The following PRKG1 variants were observed in gnomAD, a reference collection of about 807,000 sequenced individuals.
PRKG1 encodes cGMP-dependent protein kinase 1.
In PRKG1, 35 loss-of-function variants were observed where a neutral mutation model predicts 88.1. The observed-to-expected ratio is 0.40, with a 90% CI of 0.30 to 0.53. The LOEUF is 0.53. PRKG1 is among the 20% of genes least tolerant of loss of function. PRKG1 has a pLI of 0.59. For synonymous variants in PRKG1, 303 were observed against 292.5 expected (o/e 1.04, Z -0.37); for missense variants, 540 against 839.8 (o/e 0.64, Z 4.41).
At chr10:51,793,520 A>G (rs995567400) in intron 3 of PRKG1, among the ~76,000 whole-genome samples, 4 of 152,178 alleles carry the variant, frequency 2.6e-5, no homozygotes, top group African/African-American at 7.2e-5. Flanking sequence ...AAAGAAAAAT[A>G]TAAGTATCCA....
chr10:51,973,728 C>T (rs923882100), intron 5 of PRKG1, among the ~76,000 whole-genome samples: 2 of 151,970 alleles, frequency 1.3e-5, no homozygotes, highest in Non-Finnish European at 1.5e-5. Flanking sequence ...GTGGACTTTT[C>T]CTTATATCTC....
intron 5 of PRKG1, among the ~76,000 whole-genome samples, chr10:52,049,400 A>C (rs1407212622): frequency 6.6e-6 from 1 of 152,178 alleles, no homozygotes; most frequent in African/African-American, 2.4e-5. Context: ...AAGAGTGATA[A>C]TGGGAGGGGA....
At chr10:51,967,719 G>T (rs908943771) in intron 5 of PRKG1, among the ~76,000 whole-genome samples, 4 of 152,014 alleles carry the variant, frequency 2.6e-5, no homozygotes, top group East Asian at 3.9e-4. Context: ...TTCCTAGTTG[G>T]AATCCCGCCG....
At chr10:52,109,558 G>C (rs1171931246) in intron 7 of PRKG1, among the ~76,000 whole-genome samples, 1 of 152,092 alleles carries the variant, frequency 6.6e-6, no homozygotes, top group African/African-American at 2.4e-5. Context: ...CCTGAGGTCA[G>C]GAGTTCAAGA....
chr10:51,649,463 A>G (rs971432192), intron 3 of PRKG1, among the ~76,000 whole-genome samples: 1 of 152,082 alleles, frequency 6.6e-6, no homozygotes, highest in African/African-American at 2.4e-5. Context: ...TTTAGTTGCT[A>G]AAGAACATGC....
intron 2 of PRKG1, among the ~76,000 whole-genome samples, chr10:51,271,329 G>C (rs1839974992): frequency 6.6e-6 from 1 of 151,412 alleles, no homozygotes; most frequent in African/African-American, 2.4e-5. Flanking sequence ...AAAGTGTTTA[G>C]TTCCATCTGT....
chr10:51,479,952 A>G (rs1387721901), intron 3 of PRKG1, among the ~76,000 whole-genome samples: 29 of 152,120 alleles, frequency 1.9e-4, no homozygotes, highest in Admixed American at 1.9e-3. Context: ...AGTAGCTTAA[A>G]ATTTATGGAA....
At chr10:51,905,045 T>G (rs1842055825) in intron 4 of PRKG1, among the ~76,000 whole-genome samples, 1 of 152,160 alleles carries the variant, frequency 6.6e-6, no homozygotes, top group African/African-American at 2.4e-5. Context: ...CAGGAATACC[T>G]AATGGGATAG....
rs531519426 is a variant in PRKG1 at position 51,771,148 on chromosome 10, G to A, written c.593-33437G>A. Reference sequence around the variant, plus strand: ...GTTGCGAGTTTAGCTGCAATGAAAAGTTATGTCAAAAACCACAATTACTGT... The same window carrying A: ...GTTGCGAGTTTAGCTGCAATGAAAAATTATGTCAAAAACCACAATTACTGT... On this transcript the variant is annotated intron_variant, in intron 3 of 17. Transcript: ENST00000373980. Among the ~76,000 whole-genome samples the A allele has an allele frequency of 7.9e-5, 12 of 152,196 alleles. No individual in the cohort carries two copies. The South Asian group carries it at 2.5e-3, about 32-fold the overall frequency.
At position 52,038,407 on chromosome 10, in the gene PRKG1, C is replaced by T. The variant is rs146558941; in HGVS notation, c.763-16077C>T. On this transcript the variant is annotated intron_variant, in intron 5 of 17. Transcript: ENST00000373980. ...AGCACAGAAATAAGGGGTAGGGGCACGGAAATAAGGGGTCGAGCATGGAAA... is the reference window on the plus strand; with the variant it reads ...AGCACAGAAATAAGGGGTAGGGGCATGGAAATAAGGGGTCGAGCATGGAAA... Among the ~76,000 whole-genome samples the T allele has an allele frequency of 3.6e-3, 528 of 148,400 alleles. 1 individual carries two copies. The highest frequency in any genetic ancestry group is 0.012 in the African/African-American group (496 of 39,950).
chr10:51,917,711 T>A (rs1842373535), intron 5 of PRKG1, among the ~76,000 whole-genome samples: 1 of 152,226 alleles, frequency 6.6e-6, no homozygotes, highest in African/African-American at 2.4e-5. Flanking sequence ...CACGTTGATT[T>A]AGTGGTTGAA....
At position 51,324,101 on chromosome 10, in the gene PRKG1, G is replaced by C. The variant is rs538646168; in HGVS notation, c.479-143622G>C. ...AAACATTTATTTTTTCTTTGTGTTG[G>C]GAATATTACAATTCTTCTAGCTATT... On this transcript the variant is annotated intron_variant, in intron 2 of 17. Transcript: ENST00000373980. Among the ~76,000 whole-genome samples, 9 of 152,038 alleles carry C rather than the reference G, an allele frequency of 5.9e-5. No individual in the cohort carries two copies. The South Asian group carries it at 1.9e-3, about 32-fold the overall frequency.
intron 5 of PRKG1, among the ~76,000 whole-genome samples, chr10:52,030,370 T>A (rs2133208312): frequency 6.6e-6 from 1 of 152,348 alleles, no homozygotes; most frequent in South Asian, 2.1e-4. Context: ...TGAGGATTTC[T>A]TGTTGTATAC....
chr10:51,119,642 C>A (rs1342183003), intron 1 of PRKG1, among the ~76,000 whole-genome samples: 1 of 151,958 alleles, frequency 6.6e-6, no homozygotes, highest in East Asian at 1.9e-4. Flanking sequence ...AACACTAACT[C>A]TCTAGAGACT....
chr10:51,458,155 T>C (rs1162220398), intron 2 of PRKG1, among the ~76,000 whole-genome samples: 1 of 152,174 alleles, frequency 6.6e-6, no homozygotes, highest in East Asian at 1.9e-4. Context: ...AATACATATA[T>C]CACATCAAGC....
intron 1 of PRKG1, among the ~76,000 whole-genome samples, chr10:51,054,384 CTT>C (rs1843603188): frequency 6.6e-6 from 1 of 152,156 alleles, no homozygotes; most frequent in Non-Finnish European, 1.5e-5. Flanking sequence ...AAGTTCAACA[CTT>C]ATTTTGACTG....
chr10:51,287,713 G>A (rs1481140556), intron 2 of PRKG1, among the ~76,000 whole-genome samples: 2 of 152,088 alleles, frequency 1.3e-5, no homozygotes, highest in Admixed American at 6.5e-5. Flanking sequence ...GGGGAGAAGG[G>A]GGTGATTTTG....
chr10:52,029,015 G>A (rs1241763326), intron 5 of PRKG1, among the ~76,000 whole-genome samples: 2 of 152,180 alleles, frequency 1.3e-5, no homozygotes, highest in African/African-American at 2.4e-5. Context: ...AATTGTAAAT[G>A]ACATTAAAAA....
At chr10:51,178,492 C>A (rs1448904712) in intron 2 of PRKG1, among the ~76,000 whole-genome samples, 1 of 152,036 alleles carries the variant, frequency 6.6e-6, no homozygotes, top group Non-Finnish European at 1.5e-5. Flanking sequence ...AAAAAATTAG[C>A]CAGGCATGGT....
Sources: allele counts gnomAD v4.1 joint callset (sites outside exome capture counted in the v4.1 genomes callset), GRCh38; gene constraint gnomAD v4.1.1; transcripts MANE v1.5; gene names NCBI Gene and HGNC (gene_info 2026-07-23, HGNC 2026-07-21).